Variants in SLC15A5 observed in about 807,000 individuals in gnomAD.
SLC15A5 encodes the protein solute carrier family 15 member 5.
SLC15A5 carries 58 observed loss-of-function variants against 56.1 expected under a neutral mutation model. The observed-to-expected ratio is 1.03, with a 90% CI of 0.84 to 1.29. The LOEUF (loss-of-function observed/expected upper bound fraction) is 1.29. Ranked by LOEUF, SLC15A5 falls within the 50% of genes most tolerant of loss-of-function variation. The pLI, the probability that SLC15A5 is intolerant of heterozygous loss-of-function variation, is 0.00. For synonymous variants in SLC15A5, 264 were observed against 250.5 expected (o/e 1.05, Z -0.51); for missense variants, 681 against 672.1 (o/e 1.01, Z -0.15).
At chr12:16,224,021 G>C (rs540763889) in intron 6 of SLC15A5, among the ~76,000 whole-genome samples, 3 of 152,218 alleles carry the variant, frequency 2.0e-5, no homozygotes, top group Non-Finnish European at 2.9e-5. Flanking sequence ...CGGCCTGTGA[G>C]TTTATCTATG....
Position 16,277,352 on chromosome 12 carries a change from A to G in SLC15A5, c.334T>C (p.Tyr112His), listed in dbSNP as rs565282241. Residue 112 changes from tyrosine (Y) to histidine (H), a missense_variant, in exon 1 of 9, where the codon TAC becomes CAC. Physicochemically the swap from Tyr to His is moderately conservative, Grantham distance 83. Transcript: ENST00000344941. Reference protein sequence around the residue: ...DVYLGRNKLVYICLFLHFLGT... With the variant: ...DVYLGRNKLVHICLFLHFLGT... The stretch of plus-strand genomic sequence containing the variant: ...AGAAAATGTAGAAACAAGCAAATGT[A>G]CACCAGTTTGTTTCTTCCTAAATAG... 1.3e-6 allele frequency: 2 copies of G among 1,534,218 alleles called. No homozygotes were observed. Among genetic ancestry groups the G allele is most frequent in the African/African-American group, 1.4e-5 (1 of 73,024 alleles).
intron 7 of SLC15A5, among the ~76,000 whole-genome samples, chr12:16,204,360 G>A (rs1177688906): frequency 6.6e-6 from 1 of 151,332 alleles, no homozygotes; most frequent in Non-Finnish European, 1.5e-5. Context: ...GGGAGGCTGA[G>A]TTGTGAGAAT....
intron 7 of SLC15A5, among the ~76,000 whole-genome samples, chr12:16,215,221 A>AC (rs1864119498): frequency 5.5e-5 from 8 of 145,718 alleles, no homozygotes; most frequent in Non-Finnish European, 7.5e-5. Flanking sequence ...AAAAAAAAAA[A>AC]AAAAAAAACC....
intron 5 of SLC15A5, 104 bp downstream of exon 5, chr12:16,239,577 A>G (rs1006273178): frequency 2.6e-6 from 3 of 1,157,654 alleles, no homozygotes; most frequent in Non-Finnish European, 3.5e-6. Flanking sequence ...CATATTATCA[A>G]AATCTGACAC....
chr12:16,272,475 T>C, intron 2 of SLC15A5, 86 bp downstream of exon 2: 2 of 1,251,354 alleles, frequency 1.6e-6, no homozygotes, highest in Non-Finnish European at 2.2e-6. Flanking sequence ...TCACAAAGAC[T>C]GAGCAACTAC....
intron 8 of SLC15A5, 39 bp from the exon 9 acceptor site, chr12:16,189,854 T>C: frequency 7.3e-6 from 10 of 1,369,614 alleles, no homozygotes; most frequent in Non-Finnish European, 9.5e-6. Context: ...TAGGACCAGA[T>C]GTAGATGAAT....
intron 7 of SLC15A5, among the ~76,000 whole-genome samples, chr12:16,208,146 A>G (rs1470605516): frequency 1.3e-5 from 2 of 152,132 alleles, no homozygotes; most frequent in African/African-American, 4.8e-5. Flanking sequence ...TATCAGAACT[A>G]TGCATCTGTG....
Position 16,239,778 on chromosome 12 carries a change from G to A in SLC15A5, c.1065C>T (p.Ser355=). The change falls in exon 5 of 9, where the codon AGC becomes AGT. Residue 355 remains serine (S), a synonymous_variant. Transcript: ENST00000344941. ...LLPIAVMNAI[S]SLPLLILAPF... ...GAGCCAGAATTAGTAATGGTAGGCT[G>A]CTGATGGCATTCATTACTGCAATCG... The A allele has an allele frequency of 1.3e-6, 2 of 1,537,272 alleles. No homozygotes were observed. Among genetic ancestry groups the A allele is most frequent in the Middle Eastern group, 3.3e-4 (2 of 5,990 alleles).
intron 5 of SLC15A5, among the ~76,000 whole-genome samples, chr12:16,226,538 G>C (rs371599476): frequency 1.3e-5 from 2 of 152,030 alleles, no homozygotes; most frequent in East Asian, 3.9e-4. Flanking sequence ...ACATGTTTTT[G>C]AAATAAACTT....
At chr12:16,231,271 G>A (rs1864295298) in intron 5 of SLC15A5, among the ~76,000 whole-genome samples, 1 of 152,134 alleles carries the variant, frequency 6.6e-6, no homozygotes, top group Non-Finnish European at 1.5e-5. Context: ...GTGGCTGATT[G>A]ACCACACAAT....
At chr12:16,236,951 A>G (rs770422870) in intron 5 of SLC15A5, among the ~76,000 whole-genome samples, 1 of 152,146 alleles carries the variant, frequency 6.6e-6, no homozygotes, top group Non-Finnish European at 1.5e-5. Context: ...AAATTAGAAA[A>G]CCTGTTCAAA....
At chr12:16,193,376 G>T (rs1472548660) in intron 8 of SLC15A5, among the ~76,000 whole-genome samples, 1 of 151,964 alleles carries the variant, frequency 6.6e-6, no homozygotes, top group Non-Finnish European at 1.5e-5. Flanking sequence ...TCTTTCTTAT[G>T]CTGGACCATA....
intron 7 of SLC15A5, among the ~76,000 whole-genome samples, chr12:16,200,180 A>C (rs558380161): frequency 3.5e-3 from 530 of 150,920 alleles, no homozygotes; most frequent in Non-Finnish European, 5.7e-3. Flanking sequence ...CAAAGCTTAA[A>C]ATAATAATAA....
chr12:16,205,592 CAT>C (rs755042570), intron 7 of SLC15A5, among the ~76,000 whole-genome samples: 27,449 of 75,364 alleles, frequency 0.36, 4,457 homozygotes, highest in East Asian at 0.53. Context: ...TATATATATA[CAT>C]ATACACACAC....
intron 2 of SLC15A5, among the ~76,000 whole-genome samples, chr12:16,262,092 A>G (rs553731623): frequency 3.4e-4 from 52 of 152,322 alleles, no homozygotes; most frequent in Non-Finnish European, 6.6e-4. Context: ...CCTCTCTTTC[A>G]GAGAAGAAAT....
intron 6 of SLC15A5, among the ~76,000 whole-genome samples, chr12:16,223,045 GAC>G (rs1400511458): frequency 5.9e-5 from 9 of 152,078 alleles, no homozygotes; most frequent in African/African-American, 1.9e-4. Context: ...AGAAGTCTGA[GAC>G]ACACATATAT....
chr12:16,228,380 A>G (rs1448845689), intron 5 of SLC15A5, among the ~76,000 whole-genome samples: 2 of 151,640 alleles, frequency 1.3e-5, no homozygotes, highest in Non-Finnish European at 2.9e-5. Context: ...AAGATAGGTC[A>G]TGTGTAAGAA....
chr12:16,229,684 A>ACACACACC (rs3028520), intron 5 of SLC15A5, among the ~76,000 whole-genome samples: 1 of 147,444 alleles, frequency 6.8e-6, no homozygotes, highest in Non-Finnish European at 1.5e-5. Flanking sequence ...ACACACACAC[A>ACACACACC]ATCTTAAATA....
At chr12:16,276,505 A>G (rs567669213) in intron 1 of SLC15A5, among the ~76,000 whole-genome samples, 143 of 152,082 alleles carry the variant, frequency 9.4e-4, no homozygotes, top group African/African-American at 3.3e-3. Context: ...TGCTTAAACC[A>G]TCATCCTGAG....
Sources: allele counts gnomAD v4.1 joint callset (sites outside exome capture counted in the v4.1 genomes callset), GRCh38; gene constraint gnomAD v4.1.1; transcripts MANE v1.5; gene names NCBI Gene and HGNC (gene_info 2026-07-23, HGNC 2026-07-21).